The following RANBP2 variants were observed in gnomAD, a reference collection of about 807,000 sequenced individuals.
RANBP2 encodes E3 SUMO-protein ligase RanBP2.
RANBP2 carries 57 observed loss-of-function variants against 303.6 expected under a neutral mutation model. The observed-to-expected ratio is 0.19, with a 90% CI of 0.15 to 0.23. RANBP2 has a LOEUF of 0.23. RANBP2 is among the 10% of genes least tolerant of loss of function. The pLI is 1.00. For missense variants in RANBP2, 3,138 were observed against 3,780.8 expected (o/e 0.83, Z 4.46); for synonymous variants, 1,167 against 1,301.5 (o/e 0.90, Z 2.23).
the RANBP2 span, among the ~76,000 whole-genome samples, chr2:109,194,730 G>A: frequency 6.6e-6 from 1 of 152,206 alleles, no homozygotes; most frequent in African/African-American, 2.4e-5. Flanking sequence ...ACACTGCCCT[G>A]CAGGCCGGGG....
the RANBP2 span, among the ~76,000 whole-genome samples, chr2:109,079,105 G>C: frequency 6.6e-6 from 1 of 152,094 alleles, no homozygotes; most frequent in African/African-American, 2.4e-5. Context: ...AATTACAAGA[G>C]TCCACTTATA....
chr2:109,000,035 CA>C, the RANBP2 span, among the ~76,000 whole-genome samples: 1 of 152,230 alleles, frequency 6.6e-6, no homozygotes, highest in Non-Finnish European at 1.5e-5. Context: ...CTTCCTTTAT[CA>C]AAACTGGATC....
the RANBP2 span, among the ~76,000 whole-genome samples, chr2:109,627,871 C>T: frequency 1.3e-5 from 2 of 152,230 alleles, no homozygotes; most frequent in Non-Finnish European, 2.9e-5. Context: ...ATGACTATAA[C>T]ACAATTTATC....
At chr2:109,535,433 A>C in the RANBP2 span, among the ~76,000 whole-genome samples, 1 of 152,096 alleles carries the variant, frequency 6.6e-6, no homozygotes, top group African/African-American at 2.4e-5. Flanking sequence ...CCGGCTTCAC[A>C]CATTTGACAC....
At chr2:109,195,642 C>T in the RANBP2 span, among the ~76,000 whole-genome samples, 1 of 152,226 alleles carries the variant, frequency 6.6e-6, no homozygotes, top group Non-Finnish European at 1.5e-5. Flanking sequence ...CCGCAGGCAG[C>T]CTCTGACCGT....
At chr2:109,177,033 C>T in the RANBP2 span, among the ~76,000 whole-genome samples, 23 of 152,164 alleles carry the variant, frequency 1.5e-4, no homozygotes, top group African/African-American at 5.6e-4. Context: ...TTGTCAGCCA[C>T]CTGCTGTGTG....
the RANBP2 span, among the ~76,000 whole-genome samples, chr2:108,904,671 T>G: frequency 1.3e-5 from 2 of 152,234 alleles, no homozygotes; most frequent in African/African-American, 4.8e-5. Flanking sequence ...ACAACCTGGA[T>G]GGACCTCCAG....
chr2:109,383,399 G>A, the RANBP2 span, among the ~76,000 whole-genome samples: 3 of 152,208 alleles, frequency 2.0e-5, no homozygotes, highest in African/African-American at 7.2e-5. Flanking sequence ...TGCTGTTGCT[G>A]CCTCACCCTT....
At chr2:108,748,668 G>A (rs1441267785) in intron 8 of RANBP2, among the ~76,000 whole-genome samples, 1 of 152,076 alleles carries the variant, frequency 6.6e-6, no homozygotes, top group Non-Finnish European at 1.5e-5. Flanking sequence ...AAATATGTTT[G>A]GCATTTTTCA....
the RANBP2 span, among the ~76,000 whole-genome samples, chr2:109,681,008 G>A: frequency 1.3e-5 from 2 of 152,286 alleles, no homozygotes; most frequent in South Asian, 2.1e-4. Context: ...ACAAGAATAC[G>A]ATTTGTAAAA....
chr2:109,497,107 G>A, the RANBP2 span, among the ~76,000 whole-genome samples: 3 of 152,170 alleles, frequency 2.0e-5, no homozygotes, highest in Admixed American at 6.5e-5. Flanking sequence ...TCTGATGGAC[G>A]GAACTATAAT....
At chr2:109,312,363 GTATAATACT>G in the RANBP2 span, among the ~76,000 whole-genome samples, 1 of 152,062 alleles carries the variant, frequency 6.6e-6, no homozygotes, top group Non-Finnish European at 1.5e-5. Flanking sequence ...TTTTATTGTG[GTATAATACT>G]TATAACATGA....
chr2:109,547,301 G>A, the RANBP2 span, among the ~76,000 whole-genome samples: 1 of 150,908 alleles, frequency 6.6e-6, no homozygotes, highest in African/African-American at 2.4e-5. Flanking sequence ...GAATGCAGTC[G>A]CCTCTTTGAG....
chr2:109,393,351 C>T, the RANBP2 span, among the ~76,000 whole-genome samples: 1 of 152,224 alleles, frequency 6.6e-6, no homozygotes, highest in South Asian at 2.1e-4. Context: ...ACAACAATGG[C>T]ATCTGCAAAG....
chr2:109,680,825 A>C, the RANBP2 span, among the ~76,000 whole-genome samples: 1 of 152,188 alleles, frequency 6.6e-6, no homozygotes, highest in Non-Finnish European at 1.5e-5. Context: ...CTGCTATAAA[A>C]ATGACAGCAC....
At chr2:109,168,193 T>C in the RANBP2 span, among the ~76,000 whole-genome samples, 1 of 152,204 alleles carries the variant, frequency 6.6e-6, no homozygotes, top group African/African-American at 2.4e-5. Context: ...TTTGCAAACA[T>C]TGCATCATTG....
chr2:109,488,600 C>A, the RANBP2 span, among the ~76,000 whole-genome samples: 19 of 152,314 alleles, frequency 1.2e-4, no homozygotes, highest in African/African-American at 4.3e-4. Flanking sequence ...CGACCCCTCA[C>A]GGTTTCTTCT....
chr2:109,171,713 GC>G, the RANBP2 span, among the ~76,000 whole-genome samples: 2 of 152,246 alleles, frequency 1.3e-5, no homozygotes, highest in Admixed American at 6.5e-5. Flanking sequence ...CCTTCCAGAG[GC>G]CCAGCCCCTG....
chr2:108,748,300 T>C (rs968075051), intron 8 of RANBP2, among the ~76,000 whole-genome samples: 4 of 151,506 alleles, frequency 2.6e-5, no homozygotes, highest in Non-Finnish European at 5.9e-5. Flanking sequence ...CTCCACCTCC[T>C]GGGTTCATGC....
Sources: allele counts gnomAD v4.1 joint callset (sites outside exome capture counted in the v4.1 genomes callset), GRCh38; gene constraint gnomAD v4.1.1; transcripts MANE v1.5; gene names NCBI Gene and HGNC (gene_info 2026-07-23, HGNC 2026-07-21).